ANKIB1: variants seen among roughly 807,000 people sequenced by gnomAD.
ANKIB1 encodes the protein ankyrin repeat and IBR domain containing 1.
ANKIB1 carries 43 observed loss-of-function variants against 122.1 expected under a neutral mutation model. That is an observed-to-expected ratio of 0.35 (90% CI 0.28 to 0.45). The LOEUF is 0.45. ANKIB1 is among the 20% of genes least tolerant of loss of function. The pLI is 1.00. For missense variants in ANKIB1, 992 were observed against 1,329.5 expected, an observed-to-expected ratio of 0.75 and a Z score of 3.95; for synonymous variants, 390 against 442.0, an observed-to-expected ratio of 0.88 and a Z score of 1.48.
intron 3 of ANKIB1, among the ~76,000 whole-genome samples, chr7:92,316,703 A>G (rs1045852404): frequency 5.9e-5 from 9 of 152,194 alleles, no homozygotes; most frequent in African/African-American, 1.9e-4. Flanking sequence ...ACCTTCAACG[A>G]TGACTTCTCA....
chr7:92,353,647 C>T (rs549645289), intron 9 of ANKIB1, among the ~76,000 whole-genome samples: 1 of 152,242 alleles, frequency 6.6e-6, no homozygotes, highest in East Asian at 1.9e-4. Flanking sequence ...TACTTCTTAC[C>T]TTCGCCATCA....
At chr7:92,365,674 TGTTA>T (rs946394055) in intron 10 of ANKIB1, among the ~76,000 whole-genome samples, 14 of 151,842 alleles carry the variant, frequency 9.2e-5, no homozygotes, top group African/African-American at 3.4e-4. Flanking sequence ...TAGGTAAGAA[TGTTA>T]GTTCTGAGAC....
chr7:92,251,852 A>G lies in ANKIB1; in HGVS notation c.-91+5333A>G, dbSNP rs547136648. Among the ~76,000 whole-genome samples the G allele has an allele frequency of 2.0e-4, 30 of 152,346 alleles. No homozygotes were observed. In the East Asian group the frequency reaches 5.8e-3, roughly 29 times the overall value. Reference sequence around the variant, plus strand: ...AGAATCTATACAAATTTCGTGTACTATGCCAACAATATCTCTTTATCTTCT... The same window carrying G: ...AGAATCTATACAAATTTCGTGTACTGTGCCAACAATATCTCTTTATCTTCT... On this transcript the variant is annotated intron_variant, in intron 1 of 19. Transcript: ENST00000265742.
intron 3 of ANKIB1, among the ~76,000 whole-genome samples, chr7:92,317,688 T>C (rs1447938616): frequency 1.3e-5 from 2 of 152,182 alleles, no homozygotes; most frequent in Non-Finnish European, 2.9e-5. Context: ...GGCTTCCAGA[T>C]CTGGCATTGA....
chr7:92,251,492 G>A (rs1037731065), intron 1 of ANKIB1, among the ~76,000 whole-genome samples: 2 of 151,920 alleles, frequency 1.3e-5, no homozygotes, highest in African/African-American at 4.8e-5. Flanking sequence ...ATTTTCAGAT[G>A]AAAAAAATCA....
intron 1 of ANKIB1, among the ~76,000 whole-genome samples, chr7:92,293,070 C>T (rs1047601352): frequency 6.6e-6 from 1 of 152,172 alleles, no homozygotes. Flanking sequence ...GTAGTTAATG[C>T]CTACCTCCAG....
intron 3 of ANKIB1, 24 bp from the exon 4 acceptor site, chr7:92,319,306 G>T: frequency 6.6e-7 from 1 of 1,526,482 alleles, no homozygotes; most frequent in Non-Finnish European, 8.8e-7. Flanking sequence ...GTAGTTGCAA[G>T]TTTTTGAAAA....
intron 1 of ANKIB1, among the ~76,000 whole-genome samples, chr7:92,273,626 T>C (rs1801842255): frequency 6.6e-6 from 1 of 152,118 alleles, no homozygotes. Context: ...GGAAAACAGA[T>C]GGAAGATGGG....
chr7:92,344,709 C>G (rs906179269), intron 6 of ANKIB1, among the ~76,000 whole-genome samples: 2 of 152,120 alleles, frequency 1.3e-5, no homozygotes, highest in Admixed American at 1.3e-4. Flanking sequence ...TTTCCAAACG[C>G]ACAGTTGCTG....
chr7:92,350,581 GAC>G (rs1803640044), intron 7 of ANKIB1, among the ~76,000 whole-genome samples: 1 of 152,160 alleles, frequency 6.6e-6, no homozygotes, highest in Non-Finnish European at 1.5e-5. Context: ...AAATTGGCCA[GAC>G]ACAGTAGTTC....
chr7:92,354,939 C>CAA (rs1803759977), intron 9 of ANKIB1, among the ~76,000 whole-genome samples: 1 of 152,196 alleles, frequency 6.6e-6, no homozygotes, highest in African/African-American at 2.4e-5. Flanking sequence ...ACAAAAACAA[C>CAA]AAACGACAAT....
At chr7:92,371,250 C>T (rs1259820168) in intron 10 of ANKIB1, among the ~76,000 whole-genome samples, 2 of 151,336 alleles carry the variant, frequency 1.3e-5, no homozygotes, top group South Asian at 2.1e-4. Context: ...ATGGAGAAAT[C>T]GCCCTTAAAC....
At chr7:92,388,740 A>G (rs187944816) in intron 14 of ANKIB1, among the ~76,000 whole-genome samples, 295 of 152,328 alleles carry the variant, frequency 1.9e-3, no homozygotes, top group Non-Finnish European at 3.0e-3. Flanking sequence ...GTGATGTTAT[A>G]CTTGGGTTGC....
intron 11 of ANKIB1, 111 bp downstream of exon 11, chr7:92,371,718 C>G (rs922642381): frequency 8.0e-7 from 1 of 1,255,774 alleles, no homozygotes; most frequent in East Asian, 2.6e-5. Context: ...TGGCTCTTGC[C>G]TATAATCCCA....
chr7:92,380,712 C>T (rs1390765975), intron 11 of ANKIB1, among the ~76,000 whole-genome samples: 1 of 152,070 alleles, frequency 6.6e-6, no homozygotes, highest in African/African-American at 2.4e-5. Context: ...GTATCAACAT[C>T]AACAAAAAAG....
chr7:92,395,189 G>C (rs770792850), intron 17 of ANKIB1, among the ~76,000 whole-genome samples: 2 of 152,132 alleles, frequency 1.3e-5, no homozygotes, highest in Non-Finnish European at 2.9e-5. Context: ...GTCCCAGGTT[G>C]TACCCTCTGG....
At chr7:92,346,564 A>G (rs1803544023) in intron 7 of ANKIB1, among the ~76,000 whole-genome samples, 1 of 152,240 alleles carries the variant, frequency 6.6e-6, no homozygotes, top group Non-Finnish European at 1.5e-5. Context: ...ATAGGATCAG[A>G]TCAGTATAGC....
chr7:92,300,840 G>T (rs996560543), intron 2 of ANKIB1, among the ~76,000 whole-genome samples: 3 of 151,872 alleles, frequency 2.0e-5, no homozygotes, highest in Non-Finnish European at 4.4e-5. Context: ...ACCCTTTGAC[G>T]AACATCTCCC....
At chr7:92,383,809 C>T (rs897589781) in intron 11 of ANKIB1, among the ~76,000 whole-genome samples, 11 of 152,188 alleles carry the variant, frequency 7.2e-5, no homozygotes, top group Non-Finnish European at 1.6e-4. Context: ...AAACTGGAAG[C>T]ATTCCCTTTG....
Sources: gnomAD v4.1 joint callset for allele counts (sites outside exome capture counted in the v4.1 genomes callset) on GRCh38, gnomAD v4.1.1 for gene constraint, MANE v1.5 for transcripts, NCBI Gene and HGNC (gene_info 2026-07-23, HGNC 2026-07-21) for gene names.